The following PHEX variants were observed in gnomAD, a reference collection of about 807,000 sequenced individuals.
PHEX encodes phosphate-regulating neutral endopeptidase PHEX.
A neutral mutation model predicts 68.0 loss-of-function variants in PHEX; 16 were observed. The ratio of observed to expected loss-of-function variants is 0.24; its 90% CI spans 0.16 to 0.36. The LOEUF (loss-of-function observed/expected upper bound fraction) is 0.36. PHEX is among the 10% of genes least tolerant of loss of function. PHEX has a pLI of 1.00. For synonymous variants in PHEX, 208 were observed against 205.1 expected (o/e 1.01, Z -0.12); for missense variants, 480 against 575.5 (o/e 0.83, Z 1.70).
rs148711322 is a variant in PHEX at position 22,070,501 on chromosome X, G to A, written c.350-5887G>A. On this transcript the variant is annotated intron_variant, in intron 3 of 21. Transcript: ENST00000379374. The stretch of plus-strand genomic sequence containing the variant: ...TGAAGACCAGCCTGGGCAATATAGC[G>A]AGACCCCATCTCTACAAAAATAAAA... Among the ~76,000 whole-genome samples, 864 of 111,473 alleles carry A rather than the reference G, an allele frequency of 7.8e-3. 4 individuals are homozygous for A. The highest frequency in any genetic ancestry group is 0.026 in the African/African-American group (810 of 30,623).
chrX:22,126,979 C>T (rs766895269), intron 11 of PHEX, among the ~76,000 whole-genome samples: 1 of 97,248 alleles, frequency 1.0e-5, no homozygotes, highest in South Asian at 5.4e-4. Context: ...TCAAGCGATT[C>T]TTGTGCCTCA....
At chrX:22,232,444 G>A (rs761814505) in intron 20 of PHEX, among the ~76,000 whole-genome samples, 3 of 109,920 alleles carry the variant, frequency 2.7e-5, no homozygotes, top group Non-Finnish European at 5.7e-5. Context: ...TGATGAATCT[G>A]GGTGTTCCTG....
chrX:22,089,811 T>C (rs1929797865), intron 5 of PHEX, among the ~76,000 whole-genome samples: 1 of 112,488 alleles, frequency 8.9e-6, no homozygotes, highest in Admixed American at 9.4e-5. Flanking sequence ...TTATTTGTGT[T>C]TTTATCACTT....
intron 2 of PHEX, among the ~76,000 whole-genome samples, chrX:22,039,165 C>T (rs1452305853): frequency 1.8e-5 from 2 of 112,048 alleles, no homozygotes; most frequent in East Asian, 5.6e-4. Flanking sequence ...GACGGAGTTT[C>T]ACCTTGTTGG....
At chrX:22,138,551 C>G (rs1019214799) in intron 12 of PHEX, among the ~76,000 whole-genome samples, 1 of 111,876 alleles carries the variant, frequency 8.9e-6, no homozygotes, top group African/African-American at 3.3e-5. Context: ...TTCTCTCTTC[C>G]TCTGTGGTGT....
chrX:22,148,142 C>T (rs914008403), intron 12 of PHEX, among the ~76,000 whole-genome samples: 1 of 111,090 alleles, frequency 9.0e-6, no homozygotes, highest in Non-Finnish European at 1.9e-5. Context: ...GCTGGTTTCA[C>T]CTGGAGTCCC....
chrX:22,170,661 C>T (rs17248759), intron 13 of PHEX, among the ~76,000 whole-genome samples: 19,134 of 111,471 alleles, frequency 0.17, 1,568 homozygotes, highest in Non-Finnish European at 0.25. Context: ...ATGCACTGTC[C>T]AGGTCCCTCA....
At chrX:22,216,171 G>A (rs1935080313) in intron 16 of PHEX, among the ~76,000 whole-genome samples, 1 of 111,936 alleles carries the variant, frequency 8.9e-6, no homozygotes, top group African/African-American at 3.2e-5. Flanking sequence ...TAGGAAGTTG[G>A]AGTAGATGAC....
chrX:22,197,508 T>A lies in PHEX; in HGVS notation c.1645+7006T>A, dbSNP rs151224682. Among the ~76,000 whole-genome samples the A allele has an allele frequency of 9.3e-3, 1,029 of 110,947 alleles. 10 individuals are homozygous for A. The highest frequency in any genetic ancestry group is 0.032 in the African/African-American group (981 of 30,506). ...CACAGAGATCCACATGTGAAGGAAC[T>A]GGGGCCCCCTGCTCATTAGGAGTAC... On this transcript the variant is annotated intron_variant, in intron 15 of 21. Coordinates refer to ENST00000379374, the MANE Select transcript of PHEX (RefSeq NM_000444.6).
intron 4 of PHEX, among the ~76,000 whole-genome samples, chrX:22,077,106 T>C (rs976617035): frequency 4.5e-5 from 5 of 111,953 alleles, no homozygotes; most frequent in African/African-American, 6.5e-5. Context: ...TTCTTCTTCA[T>C]TGGGTAGTGA....
intron 2 of PHEX, among the ~76,000 whole-genome samples, chrX:22,046,258 G>C (rs112771333): frequency 0.026 from 2,941 of 111,891 alleles, 97 homozygotes; most frequent in African/African-American, 0.089. Context: ...AATATGGAAG[G>C]TGCAAGGCCT....
intron 14 of PHEX, among the ~76,000 whole-genome samples, chrX:22,187,385 C>T (rs778196122): frequency 3.8e-4 from 43 of 111,877 alleles, no homozygotes; most frequent in Non-Finnish European, 6.4e-4. Context: ...ATTGCCCCTA[C>T]ATCTTAGAGC....
rs181773051 is a variant in PHEX, at chrX:22,219,909, G to A, written c.1768+806G>A. On this transcript the variant is annotated intron_variant, in intron 17 of 21. Coordinates refer to ENST00000379374, the MANE Select transcript of PHEX (RefSeq NM_000444.6). ...TGGGATTACAGGCATGAGCTACCGC[G>A]CCTGGCCTATTCTGATTATTTTAAA... Among the ~76,000 whole-genome samples, 7 of 111,832 alleles carry A rather than the reference G, an allele frequency of 6.3e-5. No homozygotes were observed. In the East Asian group the frequency reaches 1.7e-3, roughly 27 times the overall value.
intron 13 of PHEX, chrX:22,171,411 A>T (rs190638850): frequency 9.1e-6 from 1 of 110,197 alleles, no homozygotes; most frequent in African/African-American, 3.3e-5. Context: ...ACACGTGGGG[A>T]TTACAATTCG....
At chrX:22,200,669 C>T (rs1460781364) in intron 15 of PHEX, among the ~76,000 whole-genome samples, 1 of 111,221 alleles carries the variant, frequency 9.0e-6, no homozygotes, top group Non-Finnish European at 1.9e-5. Context: ...GGAACACACT[C>T]TGAAAAGGTT....
At chrX:22,178,404 A>G in intron 14 of PHEX, 28 bp downstream of exon 14, 1 of 881,896 alleles carries the variant, frequency 1.1e-6, no homozygotes, top group East Asian at 3.2e-5. Context: ...AAAGTTAAAT[A>G]GATAAATACA....
At chrX:22,119,513 C>T (rs1931390431) in intron 11 of PHEX, among the ~76,000 whole-genome samples, 1 of 110,775 alleles carries the variant, frequency 9.0e-6, no homozygotes, top group Admixed American at 9.6e-5. Flanking sequence ...TAGTTGTGTT[C>T]AGGAAGGATG....
At chrX:22,234,159 G>T (rs889134524) in intron 20 of PHEX, among the ~76,000 whole-genome samples, 1 of 112,924 alleles carries the variant, frequency 8.9e-6, no homozygotes, top group Non-Finnish European at 1.9e-5. Context: ...TCTTCCCTCC[G>T]GAAGCTTTGC....
intron 17 of PHEX, among the ~76,000 whole-genome samples, chrX:22,221,319 T>TGAA (rs752605674): frequency 8.9e-6 from 1 of 112,429 alleles, no homozygotes; most frequent in African/African-American, 3.2e-5. Flanking sequence ...TCAAATCAGG[T>TGAA]GAAGACACAG....
Sources: allele counts gnomAD v4.1 joint callset (sites outside exome capture counted in the v4.1 genomes callset), GRCh38; gene constraint gnomAD v4.1.1; transcripts MANE v1.5; gene names NCBI Gene and HGNC (gene_info 2026-07-23, HGNC 2026-07-21).